MTERF4: variants seen among roughly 807,000 people sequenced by gnomAD.
The protein encoded by MTERF4 is transcription termination factor 4, mitochondrial.
MTERF4 carries 17 observed loss-of-function variants against 22.5 expected under a neutral mutation model. The observed-to-expected ratio is 0.75, with a 90% CI of 0.52 to 1.13. The LOEUF (loss-of-function observed/expected upper bound fraction) is 1.13. Ranked by LOEUF, MTERF4 falls within the 50% of genes most tolerant of loss-of-function variation. The pLI, the probability that MTERF4 is intolerant of heterozygous loss-of-function variation, is 0.00. For synonymous variants in MTERF4, 165 were observed against 175.3 expected (o/e 0.94, Z 0.47); for missense variants, 420 against 466.8 (o/e 0.90, Z 0.92).
chr2:241,080,346 T>C (rs2063273072), intron 4 of MTERF4, among the ~76,000 whole-genome samples: 1 of 152,336 alleles, frequency 6.6e-6, no homozygotes, highest in Non-Finnish European at 1.5e-5. Context: ...GAAATATTAG[T>C]ATGAACTCAT....
At chr2:241,068,651 A>G (rs2062569034), downstream of MTERF4, among the ~76,000 whole-genome samples, 1 of 151,692 alleles carries the variant, frequency 6.6e-6, no homozygotes, top group South Asian at 2.1e-4. This position sits in a 1 kb window ranked among gnomAD's most constrained non-coding sequence, Gnocchi z 5.3. Context: ...CCAGCTGAAC[A>G]CCGGCCCTCT....
At chr2:241,064,978 C>CA in the MTERF4 span, 3 of 1,540,310 alleles carry the variant, frequency 1.9e-6, no homozygotes, top group Admixed American at 6.4e-5. This position sits in a 1 kb window ranked among gnomAD's most constrained non-coding sequence, Gnocchi z 7.0. Context: ...AGGGCGCCTC[C>CA]AGTGAGGGAG....
At chr2:241,079,240 A>G (rs1038119851) in intron 4 of MTERF4, among the ~76,000 whole-genome samples, 41 of 150,922 alleles carry the variant, frequency 2.7e-4, no homozygotes, top group African/African-American at 8.5e-4. Context: ...GTGAAACCCC[A>G]TCTCTACTAA....
At chr2:241,055,139 T>A in the MTERF4 span, among the ~76,000 whole-genome samples, 2 of 151,818 alleles carry the variant, frequency 1.3e-5, no homozygotes, top group African/African-American at 4.8e-5. Flanking sequence ...GAAAAAATAT[T>A]TGTGCTGTAG....
chr2:241,070,860 C>T (rs567839851), downstream of MTERF4, among the ~76,000 whole-genome samples: 4 of 152,294 alleles, frequency 2.6e-5, no homozygotes, highest in Admixed American at 1.3e-4. Context: ...GAGGCCACGG[C>T]GGGACAGAGC....
the MTERF4 span, chr2:241,062,972 G>A: frequency 9.6e-7 from 1 of 1,046,178 alleles, no homozygotes; most frequent in Middle Eastern, 2.6e-4. Context: ...GAGGCACTGG[G>A]TCCCCCGGAC....
rs1375939527 is a variant in MTERF4, at chr2:241,075,632, G to T, written n.530C>A. On this transcript the variant is annotated non_coding_transcript_exon_variant, in exon 5 of 5. Coordinates refer to the MTERF4 transcript ENST00000464344. This position sits in a 1 kb window ranked among gnomAD's most constrained non-coding sequence, Gnocchi z 4.8. ...CCTTTGTCAGGTCTGTGTTCTGCAG[G>T]TATCTTCCTCCAGCCTCTGGCTTGT... The T allele has an allele frequency of 6.6e-6, 1 of 151,646 alleles. No homozygotes were observed. Among genetic ancestry groups the T allele is most frequent in the Non-Finnish European group, 1.5e-5 (1 of 67,904 alleles). The allele number at this position is 151,646 out of a possible 1,614,324, so 9.4% of individuals were successfully genotyped here.
At chr2:241,088,239 T>TC, downstream of MTERF4, 2 of 730,106 alleles carry the variant, frequency 2.7e-6, no homozygotes, top group South Asian at 1.6e-5. Context: ...ACTAATGGTG[T>TC]CCCCCACCGT....
At chr2:241,049,246 C>G in the MTERF4 span, 1 of 779,894 alleles carries the variant, frequency 1.3e-6, no homozygotes, top group East Asian at 2.7e-5. Flanking sequence ...TTCTGACTCT[C>G]GGGAGAGCTG....
chr2:241,090,377 T>C (rs916905331), downstream of MTERF4: 2 of 1,550,290 alleles, frequency 1.3e-6, no homozygotes, highest in Non-Finnish European at 1.7e-6. Flanking sequence ...TGCCTTCTTC[T>C]GGAAACCTCC....
At chr2:241,077,121 C>T (rs1446601618) in intron 4 of MTERF4, among the ~76,000 whole-genome samples, 1 of 151,686 alleles carries the variant, frequency 6.6e-6, no homozygotes, top group Non-Finnish European at 1.5e-5. Flanking sequence ...ATAAACCACA[C>T]GTCAATGGCC....
At chr2:241,053,161 T>C in the MTERF4 span, 1 of 1,609,996 alleles carries the variant, frequency 6.2e-7, no homozygotes, top group Non-Finnish European at 8.5e-7. Flanking sequence ...AGAGGTGGAC[T>C]GCGGCCCCCC....
downstream of MTERF4, among the ~76,000 whole-genome samples, chr2:241,070,635 T>C (rs1320502264): frequency 6.6e-6 from 1 of 152,098 alleles, no homozygotes; most frequent in African/African-American, 2.4e-5. Context: ...CAGGCAGGAA[T>C]GCTGGGGAGC....
chr2:241,071,815 G>A (rs374810934), downstream of MTERF4: 39 of 1,600,312 alleles, frequency 2.4e-5, no homozygotes, highest in East Asian at 1.8e-4. Context: ...GCTTGTGGAC[G>A]GCAGAGGAAG....
At chr2:241,074,844 T>C (rs1255952402) in exon 5 of MTERF4, 2 of 152,202 alleles carry the variant, frequency 1.3e-5, no homozygotes, top group African/African-American at 4.8e-5. Context: ...ATACCTTCTA[T>C]CTTGCCATCA....
intron 4 of MTERF4, among the ~76,000 whole-genome samples, chr2:241,078,070 C>T (rs1303122457): frequency 6.6e-6 from 1 of 152,152 alleles, no homozygotes; most frequent in Non-Finnish European, 1.5e-5. Flanking sequence ...GTAGAAACCA[C>T]CAAAGTGTCA....
chr2:241,051,708 G>T, the MTERF4 span: 36 of 1,426,434 alleles, frequency 2.5e-5, no homozygotes, highest in Non-Finnish European at 2.4e-5. This position sits in a 1 kb window ranked among gnomAD's most constrained non-coding sequence, Gnocchi z 4.7. Context: ...CCAGCAGCCT[G>T]GCCCCGTTCA....
At chr2:241,051,647 C>A in the MTERF4 span, 1 of 999,476 alleles carries the variant, frequency 1.0e-6, no homozygotes, top group Non-Finnish European at 1.4e-6. The surrounding 1 kb of genome is among the most constrained non-coding windows in gnomAD (Gnocchi z 4.7). Flanking sequence ...AAGGCCCCAC[C>A]AGCACCAGAG....
downstream of MTERF4, among the ~76,000 whole-genome samples, chr2:241,089,584 C>T (rs561784291): frequency 6.6e-6 from 1 of 152,320 alleles, no homozygotes. Context: ...AAAGTCTCTC[C>T]ATAAGAGAGT....
Sources: gnomAD v4.1 joint callset for allele counts (sites outside exome capture counted in the v4.1 genomes callset) on GRCh38, gnomAD v4.1.1 for gene constraint, Gnocchi (gnomAD v3.1) non-coding constraint, MANE v1.5 for transcripts, NCBI Gene and HGNC (gene_info 2026-07-23, HGNC 2026-07-21) for gene names.